The following CYP2C8 variants were observed in gnomAD, a reference collection of about 807,000 sequenced individuals.
CYP2C8 encodes the protein cytochrome P450 2C8.
A neutral mutation model predicts 41.3 loss-of-function variants in CYP2C8; 51 were observed. The ratio of observed to expected loss-of-function variants is 1.24; its 90% confidence interval spans 0.99 to 1.56. The LOEUF (loss-of-function observed/expected upper bound fraction) is 1.56, where lower values mean the gene tolerates loss of function less well. CYP2C8 is among the 40% of genes most tolerant of loss of function. The pLI is 0.00. For synonymous variants in CYP2C8, 218 were observed against 205.8 expected (o/e 1.06, Z -0.51); for missense variants, 651 against 579.9 (o/e 1.12, Z -1.26).
chr10:95,039,613 T>G (rs1181556328), intron 7 of CYP2C8, among the ~76,000 whole-genome samples: 1 of 152,144 alleles, frequency 6.6e-6, no homozygotes. Flanking sequence ...ACAATTCAAG[T>G]CAGGATCATC....
chr10:95,053,059 A>C (rs995100110), intron 5 of CYP2C8, among the ~76,000 whole-genome samples: 1 of 152,202 alleles, frequency 6.6e-6, no homozygotes, highest in Non-Finnish European at 1.5e-5. Flanking sequence ...TCCACTAAAA[A>C]ACTATGAGAA....
Position 95,045,852 on chromosome 10 carries a change from T to G in CYP2C8, c.919A>C (p.Arg307=). The G allele has an allele frequency of 6.2e-7, 1 of 1,614,048 alleles. No homozygotes were observed. Among genetic ancestry groups the G allele is most frequent in the East Asian group, 2.2e-5 (1 of 44,868 alleles). ...TTCAGCAGGAGCAGGAGTCCATATC[T>G]CAGAGTGGTGCTTGTTGTCTCTGTT... The part of the protein sequence containing the change: ...AGTETTSTTL[R]YGLLLLLKHP... The change falls in exon 6 of 9, where the codon AGA becomes CGA. Residue 307 remains arginine, a synonymous_variant. Transcript: ENST00000371270.
At chr10:95,053,614 C>T (rs2033252359) in intron 5 of CYP2C8, among the ~76,000 whole-genome samples, 1 of 152,102 alleles carries the variant, frequency 6.6e-6, no homozygotes. Flanking sequence ...ATGTCCTTTT[C>T]AGGGACATGG....
intron 5 of CYP2C8, among the ~76,000 whole-genome samples, chr10:95,054,842 A>G (rs2134424142): frequency 6.6e-6 from 1 of 152,296 alleles, no homozygotes; most frequent in Non-Finnish European, 1.5e-5. Context: ...GAGAACCTAT[A>G]ATCAAGAAGA....
intron 4 of CYP2C8, among the ~76,000 whole-genome samples, chr10:95,062,895 T>C (rs2033469952): frequency 1.3e-5 from 2 of 152,186 alleles, no homozygotes; most frequent in Non-Finnish European, 2.9e-5. Context: ...CCTTCACTTA[T>C]GAAGCTTAGT....
chr10:95,040,662 T>C (rs2032976106), intron 7 of CYP2C8, among the ~76,000 whole-genome samples: 1 of 152,160 alleles, frequency 6.6e-6, no homozygotes, highest in African/African-American at 2.4e-5. Flanking sequence ...CTACAGTCAA[T>C]TTTTGACTGT....
chr10:95,059,214 A>G (rs1028988425), intron 4 of CYP2C8, among the ~76,000 whole-genome samples: 5 of 152,152 alleles, frequency 3.3e-5, no homozygotes, highest in African/African-American at 9.7e-5. Flanking sequence ...CTGAGGAATC[A>G]CCACACTGTC....
intron 1 of CYP2C8, chr10:95,068,560 A>T (rs547262589): frequency 7.8e-7 from 1 of 1,275,064 alleles, no homozygotes; most frequent in South Asian, 1.2e-5. Context: ...TATAGTAGAG[A>T]ACTTATTGGA....
rs748940966 is a variant in CYP2C8, at chr10:95,058,503, A to C, written c.651T>G (p.Asn217Lys). The change falls in exon 5 of 9, where the codon AAT becomes AAG. Residue 217 changes from asparagine (N) to lysine (K), a missense_variant. Coordinates refer to ENST00000371270, the MANE Select transcript of CYP2C8 (RefSeq NM_000770.3). ...ILNSPWIQVCNNFPLLIDCFP... is the reference protein window; with the variant it reads ...ILNSPWIQVCKNFPLLIDCFP... ...AACAATCAATGAGTAGAGGGAAATTATTGCAGACCTAAAAGAGAAAAGAAT... is the reference window on the plus strand; with the variant it reads ...AACAATCAATGAGTAGAGGGAAATTCTTGCAGACCTAAAAGAGAAAAGAAT... 1 of 1,612,120 alleles carries C rather than the reference A, an allele frequency of 6.2e-7. No individual in the cohort carries two copies.
At chr10:95,058,639 T>C (rs181985749) in intron 4 of CYP2C8, 128 bp from the exon 5 acceptor site, 3 of 811,378 alleles carry the variant, frequency 3.7e-6, no homozygotes, top group East Asian at 5.4e-5. Context: ...GAAATTTTTA[T>C]ACATATATAC....
At chr10:95,056,568 C>T (rs2134426149) in intron 5 of CYP2C8, among the ~76,000 whole-genome samples, 1 of 152,214 alleles carries the variant, frequency 6.6e-6, no homozygotes, top group African/African-American at 2.4e-5. Flanking sequence ...TATTGAACCA[C>T]ACAAAACAAC....
At chr10:95,064,125 A>G (rs1468964962) in intron 4 of CYP2C8, among the ~76,000 whole-genome samples, 2 of 152,140 alleles carry the variant, frequency 1.3e-5, no homozygotes, top group Non-Finnish European at 2.9e-5. Flanking sequence ...CTCATACTCC[A>G]TGCTGGGAGA....
intron 6 of CYP2C8, among the ~76,000 whole-genome samples, chr10:95,043,470 G>T (rs1395813137): frequency 1.3e-5 from 2 of 152,126 alleles, no homozygotes; most frequent in Non-Finnish European, 2.9e-5. Flanking sequence ...AAATATATTT[G>T]TGTGTGCGGT....
At chr10:95,056,084 C>A (rs1033493164) in intron 5 of CYP2C8, among the ~76,000 whole-genome samples, 3 of 151,852 alleles carry the variant, frequency 2.0e-5, no homozygotes, top group African/African-American at 7.3e-5. Flanking sequence ...CACAGAGAGG[C>A]CTTGTCTCCA....
intron 4 of CYP2C8, 102 bp downstream of exon 4, chr10:95,064,698 T>C (rs1210690959): frequency 4.4e-6 from 5 of 1,143,376 alleles, no homozygotes; most frequent in Non-Finnish European, 6.4e-6. Flanking sequence ...ATCATTTTTA[T>C]TGTATAAAAG....
At chr10:95,047,723 C>G (rs999147467) in intron 5 of CYP2C8, among the ~76,000 whole-genome samples, 1 of 152,040 alleles carries the variant, frequency 6.6e-6, no homozygotes, top group African/African-American at 2.4e-5. Flanking sequence ...AGGGACTAAT[C>G]GAATAAAGTT....
At chr10:95,056,661 T>A (rs148939344) in intron 5 of CYP2C8, among the ~76,000 whole-genome samples, 7 of 152,180 alleles carry the variant, frequency 4.6e-5, no homozygotes, top group Admixed American at 3.3e-4. Context: ...AGATCACATA[T>A]GCCATGGGTC....
Position 95,038,958 on chromosome 10 carries a change from G to T in CYP2C8, c.1230C>A (p.Gly410=), listed in dbSNP as rs148515896. The change falls in exon 8 of 9, where the codon GGC becomes GGA. Residue 410 remains glycine (G), a synonymous_variant. Coordinates refer to ENST00000371270, the MANE Select transcript of CYP2C8 (RefSeq NM_000770.3). Reference sequence around the variant, plus strand: ...AGTTGCCATTCTTATCTAGAAAGTGGCCAGGGTCAAAGATATTTGGATTAG... The same window carrying T: ...AGTTGCCATTCTTATCTAGAAAGTGTCCAGGGTCAAAGATATTTGGATTAG... ...EFPNPNIFDP[G]HFLDKNGNFK... 2.5e-6 allele frequency: 4 copies of T among 1,613,786 alleles called. No individual in the cohort carries two copies. Among genetic ancestry groups the T allele is most frequent in the Middle Eastern group, 1.6e-4 (1 of 6,062 alleles).
Position 95,064,873 on chromosome 10 carries a change from T to C in CYP2C8, c.569A>G (p.Lys190Arg), listed in dbSNP as rs923498624. The change falls in exon 4 of 9, where the codon AAA becomes AGA. Residue 190 changes from lysine to arginine, a missense_variant. By Grantham distance (26) the Lys-to-Arg change is conservative. Transcript: ENST00000371270. The part of the protein sequence containing the change: ...SVVFQKRFDY[K>R]DQNFLTLMKR... ...CATCAGGGTGAGAAAATTCTGATCT[T>C]TATAATCAAATCGTTTCTGGAAAAC... 12 of 1,613,950 alleles carry C rather than the reference T, an allele frequency of 7.4e-6. No homozygotes were observed. The highest frequency in any genetic ancestry group is 1.0e-5 in the Non-Finnish European group (12 of 1,179,956).
Sources: allele counts gnomAD v4.1 joint callset (sites outside exome capture counted in the v4.1 genomes callset), GRCh38; gene constraint gnomAD v4.1.1; transcripts MANE v1.5; gene names NCBI Gene and HGNC (gene_info 2026-07-23, HGNC 2026-07-21).